PPP1R9A: variants seen among roughly 807,000 people sequenced by gnomAD.
The protein encoded by PPP1R9A is protein phosphatase 1 regulatory subunit 9A.
Under a neutral mutation model 141.9 loss-of-function variants are expected in PPP1R9A, and 59 were observed. That is an observed-to-expected ratio of 0.42 (90% confidence interval 0.34 to 0.52). The LOEUF (loss-of-function observed/expected upper bound fraction) is 0.52. Ranked by LOEUF, PPP1R9A falls within the 20% of genes least tolerant of loss-of-function variation. The pLI is 0.10. For synonymous variants in PPP1R9A, 500 were observed against 569.7 expected, an observed-to-expected ratio of 0.88 and a Z score of 1.74; for missense variants, 1,444 against 1,611.9, an observed-to-expected ratio of 0.90 and a Z score of 1.78.
chr7:95,176,698 T>C (rs1832957826), intron 5 of PPP1R9A, among the ~76,000 whole-genome samples: 1 of 151,602 alleles, frequency 6.6e-6, no homozygotes, highest in Non-Finnish European at 1.5e-5. Flanking sequence ...CACAAAACAC[T>C]GGACACACTT....
At chr7:95,204,769 C>CCA (rs1175017493) in intron 7 of PPP1R9A, among the ~76,000 whole-genome samples, 4 of 132,708 alleles carry the variant, frequency 3.0e-5, no homozygotes, top group East Asian at 4.7e-4. Flanking sequence ...CCCACAAACA[C>CCA]CACACACACA....
intron 8 of PPP1R9A, among the ~76,000 whole-genome samples, chr7:95,237,444 C>T (rs1409306036): frequency 1.3e-5 from 2 of 151,928 alleles, no homozygotes; most frequent in Non-Finnish European, 2.9e-5. Flanking sequence ...GATCTGCCCA[C>T]CTTGGCCTGC....
At chr7:94,962,938 C>T in intron 2 of PPP1R9A, among the ~76,000 whole-genome samples, 1 of 152,060 alleles carries the variant, frequency 6.6e-6, no homozygotes, top group East Asian at 1.9e-4. Flanking sequence ...ACTTTCCTTT[C>T]CTGGATTTGC....
chr7:94,909,255 G>A (rs1306841429), intron 1 of PPP1R9A, among the ~76,000 whole-genome samples: 2 of 152,170 alleles, frequency 1.3e-5, no homozygotes, highest in Non-Finnish European at 2.9e-5. Flanking sequence ...ACCACTGTTA[G>A]GAAACTTCCA....
At chr7:95,240,796 T>G (rs1443631514) in intron 8 of PPP1R9A, among the ~76,000 whole-genome samples, 2 of 152,176 alleles carry the variant, frequency 1.3e-5, no homozygotes, top group Non-Finnish European at 2.9e-5. Context: ...TTAAAATATT[T>G]TTTTACTTAT....
intron 10 of PPP1R9A, 133 bp from the exon 11 acceptor site, chr7:95,251,629 C>T (rs1798885680): frequency 1.3e-6 from 1 of 789,406 alleles, no homozygotes; most frequent in South Asian, 2.4e-5. Context: ...ATACTTTTTC[C>T]TCTAACTGAT....
intron 2 of PPP1R9A, among the ~76,000 whole-genome samples, chr7:94,984,856 A>G (rs1800600984): frequency 6.6e-6 from 1 of 151,542 alleles, no homozygotes; most frequent in Admixed American, 6.6e-5. Flanking sequence ...GATCTTAGTT[A>G]TTTCTTGCCT....
intron 2 of PPP1R9A, among the ~76,000 whole-genome samples, chr7:94,950,970 A>T (rs1025766012): frequency 2.0e-5 from 3 of 151,820 alleles, no homozygotes; most frequent in Non-Finnish European, 4.4e-5. Flanking sequence ...CTGGTCTCGA[A>T]CTCTTGGGCT....
chr7:95,080,727 C>T (rs1252570766), intron 2 of PPP1R9A, among the ~76,000 whole-genome samples: 1 of 152,130 alleles, frequency 6.6e-6, no homozygotes, highest in Admixed American at 6.6e-5. Context: ...CATGTGTCCG[C>T]TGTTTCTCAA....
At chr7:95,078,923 T>A (rs1815316508) in intron 2 of PPP1R9A, among the ~76,000 whole-genome samples, 1 of 152,082 alleles carries the variant, frequency 6.6e-6, no homozygotes, top group South Asian at 2.1e-4. Context: ...TTCTCCCATT[T>A]TGTAGGTTGC....
chr7:95,019,326 T>C (rs1359057802), intron 2 of PPP1R9A, among the ~76,000 whole-genome samples: 2 of 152,194 alleles, frequency 1.3e-5, no homozygotes, highest in African/African-American at 4.8e-5. Context: ...GAGGTTGCAG[T>C]GAGCCCAGAT....
chr7:95,227,168 A>C (rs1795254156), intron 8 of PPP1R9A, among the ~76,000 whole-genome samples: 1 of 152,224 alleles, frequency 6.6e-6, no homozygotes, highest in African/African-American at 2.4e-5. Context: ...TTATCAAGAA[A>C]AGTAGGTAGA....
At chr7:94,999,264 A>G (rs762414773) in intron 2 of PPP1R9A, among the ~76,000 whole-genome samples, 2 of 152,160 alleles carry the variant, frequency 1.3e-5, no homozygotes, top group Non-Finnish European at 2.9e-5. Context: ...AATCTTCTTT[A>G]TGGGCAGTCT....
intron 5 of PPP1R9A, among the ~76,000 whole-genome samples, chr7:95,164,796 T>G (rs1242283755): frequency 6.6e-6 from 1 of 150,848 alleles, no homozygotes; most frequent in Non-Finnish European, 1.5e-5. Context: ...CCATGCTTTA[T>G]TCTCTATTTT....
At chr7:95,025,173 TCTC>T (rs1198141928) in intron 2 of PPP1R9A, among the ~76,000 whole-genome samples, 1 of 152,022 alleles carries the variant, frequency 6.6e-6, no homozygotes, top group African/African-American at 2.4e-5. Flanking sequence ...TTCAAGCAAT[TCTC>T]CTGCCTCAGC....
In PPP1R9A at chr7:95,144,592, C is replaced by T. The variant is rs183019886; in HGVS notation, c.1650-17275C>T. Among the ~76,000 whole-genome samples the T allele has an allele frequency of 1.2e-4, 18 of 152,100 alleles. No homozygotes were observed. In the East Asian group the frequency reaches 2.1e-3, roughly 18 times the overall value. On this transcript the variant is annotated intron_variant, in intron 4 of 19. Coordinates refer to ENST00000433360, the MANE Select transcript of PPP1R9A (RefSeq NM_001166160.2). The stretch of plus-strand genomic sequence containing the variant: ...TTGTTTTCTATTATGGAATGTACCG[C>T]GGCACAATAAAGTCCACATATGACA...
chr7:95,223,950 G>T (rs1014355579), intron 7 of PPP1R9A, among the ~76,000 whole-genome samples: 1 of 151,770 alleles, frequency 6.6e-6, no homozygotes, highest in South Asian at 2.1e-4. Context: ...CCAAGTATTT[G>T]TTGGTTCTAG....
At chr7:95,166,858 A>G (rs1309303190) in intron 5 of PPP1R9A, among the ~76,000 whole-genome samples, 1 of 152,236 alleles carries the variant, frequency 6.6e-6, no homozygotes, top group Non-Finnish European at 1.5e-5. Context: ...ATGGCTCAAC[A>G]TATGCAAATC....
At chr7:95,248,308 C>T (rs1798424083) in intron 9 of PPP1R9A, among the ~76,000 whole-genome samples, 1 of 135,066 alleles carries the variant, frequency 7.4e-6, no homozygotes, top group South Asian at 2.9e-4. Flanking sequence ...CACTAATGAT[C>T]TCTTTTGTTG....
Sources: gnomAD v4.1 joint callset for allele counts (sites outside exome capture counted in the v4.1 genomes callset) on GRCh38, gnomAD v4.1.1 for gene constraint, MANE v1.5 for transcripts, NCBI Gene and HGNC (gene_info 2026-07-23, HGNC 2026-07-21) for gene names.